The following EHBP1L1 variants were observed in gnomAD, a reference collection of about 807,000 sequenced individuals.
EHBP1L1 encodes the protein EH domain-binding protein 1-like protein 1.
In EHBP1L1, 122 loss-of-function variants were observed where a neutral mutation model predicts 151.1. The ratio of observed to expected loss-of-function variants is 0.81; its 90% CI spans 0.70 to 0.94. The LOEUF (loss-of-function observed/expected upper bound fraction) is 0.94, where lower values mean the gene tolerates loss of function less well. EHBP1L1 is among the 40% of genes least tolerant of loss of function. EHBP1L1 has a pLI of 0.00. For synonymous variants in EHBP1L1, 878 were observed against 810.1 expected (o/e 1.08, Z -1.42); for missense variants, 1,941 against 1,959.8 (o/e 0.99, Z 0.18).
rs1008428390 is a variant in EHBP1L1 at position 65,580,805 on chromosome 11, C to T, written c.635-253C>T. 7.1e-5 allele frequency: 66 copies of T among 933,950 alleles called. No homozygotes were observed. The Admixed American group carries it at 1.4e-3, about 20-fold the overall frequency. 57.9% of individuals were successfully genotyped at this position (933,950 alleles called of 1,614,324 possible). ...CCGGCTCCTGATCCCTCACCACCAG[C>T]CCTCCTGGGCCAGCTGGGGCTTCCT... is the stretch of plus-strand genomic sequence containing the variant. On this transcript the variant is annotated intron_variant, in intron 6 of 18. Coordinates refer to ENST00000309295, the MANE Select transcript of EHBP1L1 (RefSeq NM_001099409.3).
rs1186309422 is a variant in EHBP1L1 at position 65,583,690 on chromosome 11, T to TGGGGCA, written c.3024_3029dup (p.Gly1011_Ala1012dup). 1 of 1,575,702 alleles carries TGGGGCA rather than the reference T, an allele frequency of 6.3e-7. No homozygotes were observed. Among genetic ancestry groups the TGGGGCA allele is most frequent in the Non-Finnish European group, 8.6e-7 (1 of 1,161,284 alleles). ...GCCTGCCTGAAGCACAGGTGGCCAG[T>TGGGGCA]GGGGCAGGGGCTGGGGCGCCCAGGG... On this transcript the variant is annotated inframe_insertion, in exon 9 of 19. Coordinates refer to ENST00000309295, the MANE Select transcript of EHBP1L1 (RefSeq NM_001099409.3).
intron 9 of EHBP1L1, 181 bp from the exon 10 acceptor site, chr11:65,584,060 T>C: frequency 1.4e-6 from 2 of 1,432,986 alleles, no homozygotes; most frequent in Non-Finnish European, 1.8e-6. Flanking sequence ...TTAGGTGACC[T>C]TGGCAGATAA....
At position 65,589,766 on chromosome 11, in the gene EHBP1L1, G is replaced by A; in HGVS notation, c.3949G>A (p.Asp1317Asn). ...GAAAAEGQAP[D>N]PSPAPGPPTA... ...TCTTCCACAGGAAGGCCAGGCCCCTGACCCCAGCCCTGCCCCAGGCCCACC... is the reference window on the plus strand; with the variant it reads ...TCTTCCACAGGAAGGCCAGGCCCCTAACCCCAGCCCTGCCCCAGGCCCACC... Residue 1317 changes from aspartate to asparagine, a missense_variant, in exon 13 of 19, where the codon GAC becomes AAC. Asp to Asn is a conservative substitution (Grantham distance 23, BLOSUM62 1). Coordinates refer to ENST00000309295, the MANE Select transcript of EHBP1L1 (RefSeq NM_001099409.3). 6.4e-7 allele frequency: 1 copy of A among 1,550,608 alleles called. No individual in the cohort carries two copies. Among genetic ancestry groups the A allele is most frequent in the Non-Finnish European group, 8.7e-7 (1 of 1,147,288 alleles).
Position 65,580,453 on chromosome 11 carries a change from A to T in EHBP1L1, c.608A>T (p.Glu203Val). The part of the protein sequence containing the change: ...EDEAHGPGAP[E>V]ARARVPQPDP... ...GAGGCTCATGGCCCAGGAGCCCCGG[A>T]GGCCCGGGCTCGAGTCCCCCAGCCA... Residue 203 changes from glutamate (E) to valine (V), a missense_variant, in exon 6 of 19, where the codon GAG becomes GTG. Physicochemically the swap from Glu to Val is moderately radical, Grantham distance 121 (BLOSUM62 -2). Coordinates refer to ENST00000309295, the MANE Select transcript of EHBP1L1 (RefSeq NM_001099409.3). The T allele has an allele frequency of 6.2e-7, 1 of 1,613,096 alleles. No individual in the cohort carries two copies. The highest frequency in any genetic ancestry group is 8.5e-7 in the Non-Finnish European group (1 of 1,179,806).
chr11:65,579,272 T>A, intron 2 of EHBP1L1, 69 bp from the exon 3 acceptor site: 1 of 1,478,882 alleles, frequency 6.8e-7, no homozygotes, highest in Admixed American at 2.0e-5. Context: ...GGTGTCAAGG[T>A]TGGTGATAGG....
At position 65,585,694 on chromosome 11, in the gene EHBP1L1, G is replaced by T; in HGVS notation, c.3933+103G>T. ...CCAAGGGGCCCCAAGGACAGAGCTG[G>T]CGCGAGGGTGACGGTTTCAGAGTGG... is the stretch of plus-strand genomic sequence containing the variant. On this transcript the variant is annotated intron_variant, in intron 12 of 18. Coordinates refer to ENST00000309295, the MANE Select transcript of EHBP1L1 (RefSeq NM_001099409.3). The surrounding 1 kb of genome is among the most constrained non-coding windows in gnomAD (Gnocchi z 4.0). 6.7e-7 allele frequency: 1 copy of T among 1,484,340 alleles called. No homozygotes were observed. The highest frequency in any genetic ancestry group is 9.0e-7 in the Non-Finnish European group (1 of 1,116,486). The allele number at this position is 1,484,340 out of a possible 1,614,324, so 91.9% of individuals were successfully genotyped here. A position where few individuals can be genotyped will look rare whatever the true frequency, so the allele number is the denominator to read the frequency against.
In EHBP1L1 at chr11:65,585,569, G is replaced by T. The variant is rs569436317; in HGVS notation, c.3911G>T (p.Gly1304Val). The change falls in exon 12 of 19, where the codon GGA becomes GTA. Residue 1304 changes from glycine to valine, a missense_variant. Gly to Val is a moderately radical substitution (Grantham distance 109). Coordinates refer to ENST00000309295, the MANE Select transcript of EHBP1L1 (RefSeq NM_001099409.3). The surrounding 1 kb of genome is among the most constrained non-coding windows in gnomAD (Gnocchi z 4.0). ...SSFSMDDPDA[G>V]AMGAAAAEGQ... ...TTCTCGATGGACGATCCGGACGCGG[G>T]AGCCATGGGAGCTGCGGCTGCAGTG... 1 of 1,581,074 alleles carries T rather than the reference G, an allele frequency of 6.3e-7. No individual in the cohort carries two copies. The highest frequency in any genetic ancestry group is 1.1e-5 in the South Asian group (1 of 88,162).
intron 1 of EHBP1L1, among the ~76,000 whole-genome samples, chr11:65,578,739 C>G (rs954948471): frequency 1.6e-4 from 24 of 152,242 alleles, no homozygotes; most frequent in Non-Finnish European, 4.4e-5. Flanking sequence ...ACATGTGCAT[C>G]TGTGTCTGGC....
chr11:65,590,540 C>G lies in EHBP1L1; in HGVS notation c.4231C>G (p.Leu1411Val). Residue 1411 changes from leucine (L) to valine (V), a missense_variant, in exon 16 of 19, where the codon CTG becomes GTG. By Grantham distance (32) the Leu-to-Val change is conservative. Transcript: ENST00000309295. ...EEVLIQEWFT[L>V]VNKKNALIRR... is the part of the protein sequence containing the mutation. ...GGTGCTGATCCAGGAGTGGTTCACC[C>G]TGGTCAACAAGAAGAACGCTCTCAT... is the stretch of plus-strand genomic sequence containing the variant. The G allele has an allele frequency of 6.2e-7, 1 of 1,613,670 alleles. No homozygotes were observed. Among genetic ancestry groups the G allele is most frequent in the East Asian group, 2.2e-5 (1 of 44,880 alleles).
intron 8 of EHBP1L1, 29 bp from the exon 9 acceptor site, chr11:65,581,510 C>A: frequency 1.4e-6 from 2 of 1,451,586 alleles, no homozygotes; most frequent in Non-Finnish European, 1.8e-6. Flanking sequence ...AAAGCAGCCC[C>A]CCAACTCCCC....
intron 6 of EHBP1L1, 160 bp from the exon 7 acceptor site, chr11:65,580,898 C>G: frequency 7.0e-7 from 1 of 1,428,926 alleles, no homozygotes; most frequent in East Asian, 2.6e-5. Flanking sequence ...CTCTTTCTCT[C>G]CACATCTGTG....
Position 65,580,430 on chromosome 11 carries a change from G to C in EHBP1L1, c.585G>C (p.Glu195Asp). The C allele has an allele frequency of 6.2e-7, 1 of 1,613,608 alleles. No homozygotes were observed. The highest frequency in any genetic ancestry group is 8.5e-7 in the Non-Finnish European group (1 of 1,179,836). The stretch of plus-strand genomic sequence containing the variant: ...ACTTTGCTGAGAGTGATGAAGATGA[G>C]GCTCATGGCCCAGGAGCCCCGGAGG... ...LDDFAESDED[E>D]AHGPGAPEAR... The change falls in exon 6 of 19, where the codon GAG (glutamate) becomes GAC (aspartate). Residue 195 changes from glutamate to aspartate, a missense_variant. Transcript: ENST00000309295.
At chr11:65,589,600 T>G (rs1590836999) in intron 12 of EHBP1L1, 151 bp from the exon 13 acceptor site, 2 of 1,222,082 alleles carry the variant, frequency 1.6e-6, no homozygotes, top group East Asian at 2.8e-5. Flanking sequence ...GGCCCGGGGG[T>G]TCTGTGCATG....
Position 65,576,216 on chromosome 11 carries a change from C to G in EHBP1L1, c.-87C>G. 8.4e-7 allele frequency: 1 copy of G among 1,191,044 alleles called. No homozygotes were observed. Among genetic ancestry groups the G allele is most frequent in the East Asian group, 3.1e-5 (1 of 32,086 alleles). The allele number at this position is 1,191,044 out of a possible 1,614,324, so 73.8% of individuals were successfully genotyped here. On this transcript the variant is annotated 5_prime_UTR_variant, in exon 1 of 19. Transcript: ENST00000309295. Reference sequence around the variant, plus strand: ...GCACGGACGGGGCGGGCGGCGCGGACAGGCCATGGGGACCCGGGCCGGGCC... The same window carrying G: ...GCACGGACGGGGCGGGCGGCGCGGAGAGGCCATGGGGACCCGGGCCGGGCC...
At chr11:65,584,210 A>C (rs373077327) in intron 9 of EHBP1L1, 31 bp from the exon 10 acceptor site, 1 of 1,595,344 alleles carries the variant, frequency 6.3e-7, no homozygotes, top group African/African-American at 1.4e-5. Context: ...TCCCATTTAT[A>C]CATTCCCTAA....
Position 65,581,133 on chromosome 11 carries a change from C to A in EHBP1L1, c.703+7C>A, listed in dbSNP as rs748443535. ...GGACGACCCCAGCAGGCAGGTGAGA[C>A]CCAGGCTGGGGTTGGGGGTGGAGAC... is the stretch of plus-strand genomic sequence containing the variant. On this transcript the variant is annotated splice_region_variant and intron_variant, in intron 7 of 18. Coordinates refer to ENST00000309295, the MANE Select transcript of EHBP1L1 (RefSeq NM_001099409.3). 2 of 1,612,764 alleles carry A rather than the reference C, an allele frequency of 1.2e-6. No homozygotes were observed. The highest frequency in any genetic ancestry group is 3.3e-5 in the Admixed American group (2 of 59,974).
chr11:65,579,251 G>A, intron 2 of EHBP1L1, 90 bp from the exon 3 acceptor site: 1 of 1,499,152 alleles, frequency 6.7e-7, no homozygotes, highest in Non-Finnish European at 9.1e-7. Context: ...CCACAGAGGG[G>A]AGGGGAAGAT....
rs1858165185 is a variant in EHBP1L1 at position 65,589,805 on chromosome 11, T to A, written c.3988T>A (p.Ser1330Thr). ...PAPGPPTAAD[S>T]QQPPGGSSPS... is the part of the protein sequence containing the mutation. The stretch of plus-strand genomic sequence containing the variant: ...CCCAGGCCCACCCACAGCTGCAGAC[T>A]CTCAACAGCCCCCTGGTGAGTAGCA... The change falls in exon 13 of 19, where the codon TCT becomes ACT. Residue 1330 changes from serine (S) to threonine (T), a missense_variant. Transcript: ENST00000309295. The A allele has an allele frequency of 6.4e-7, 1 of 1,563,704 alleles. No individual in the cohort carries two copies. Among genetic ancestry groups the A allele is most frequent in the Admixed American group, 1.9e-5 (1 of 52,170 alleles).
chr11:65,590,255 G>A (rs1438531212), intron 15 of EHBP1L1, 45 bp downstream of exon 15: 2 of 1,605,940 alleles, frequency 1.2e-6, no homozygotes, highest in African/African-American at 2.7e-5. Flanking sequence ...CATGCCACTA[G>A]GTCTGTCCAG....
Sources: allele counts gnomAD v4.1 joint callset (sites outside exome capture counted in the v4.1 genomes callset), GRCh38; gene constraint gnomAD v4.1.1; non-coding constraint Gnocchi (gnomAD v3.1); transcripts MANE v1.5; gene names NCBI Gene and HGNC (gene_info 2026-07-23, HGNC 2026-07-21).